The following IGF1R variants were observed in gnomAD, a reference collection of about 807,000 sequenced individuals.
IGF1R encodes the protein insulin like growth factor 1 receptor, also known as insulin-like growth factor 1 receptor.
IGF1R carries 44 observed loss-of-function variants against 144.6 expected under a neutral mutation model. That is an observed-to-expected ratio of 0.30 (90% CI 0.24 to 0.39). The LOEUF (loss-of-function observed/expected upper bound fraction) is 0.39. Among genes scored for constraint, IGF1R ranks in the 10% least tolerant of loss-of-function variants. The pLI is 1.00. For synonymous variants in IGF1R, 795 were observed against 722.8 expected, an observed-to-expected ratio of 1.10 and a Z score of -1.60; for missense variants, 1,355 against 1,833.7, an observed-to-expected ratio of 0.74 and a Z score of 4.77.
intron 4 of IGF1R, among the ~76,000 whole-genome samples, chr15:98,897,900 G>A (rs1029977058): frequency 6.6e-6 from 1 of 151,562 alleles, no homozygotes; most frequent in African/African-American, 2.4e-5. Context: ...AGGAATTTTG[G>A]GGGGGGAATC....
chr15:98,947,967 C>T (rs1476000910), intron 19 of IGF1R, among the ~76,000 whole-genome samples: 1 of 152,178 alleles, frequency 6.6e-6, no homozygotes, highest in East Asian at 1.9e-4. Context: ...GCCCTCACCC[C>T]AGACCAATCA....
chr15:98,752,222 T>C (rs1356751854), intron 2 of IGF1R, among the ~76,000 whole-genome samples: 2 of 152,208 alleles, frequency 1.3e-5, no homozygotes, highest in African/African-American at 4.8e-5. Flanking sequence ...GTGTGTGAAC[T>C]GTTGACATTT....
intron 2 of IGF1R, among the ~76,000 whole-genome samples, chr15:98,853,702 A>T (rs2011636980): frequency 1.3e-5 from 2 of 152,242 alleles, no homozygotes; most frequent in South Asian, 4.1e-4. Context: ...TAGGAATTTC[A>T]GGAACATGTT....
intron 2 of IGF1R, among the ~76,000 whole-genome samples, chr15:98,767,980 C>T (rs1412962087): frequency 1.3e-5 from 2 of 152,176 alleles, no homozygotes; most frequent in Non-Finnish European, 2.9e-5. Context: ...CCTCAGTCTG[C>T]AGACCATAGC....
chr15:98,790,278 A>G (rs747114004), intron 2 of IGF1R, among the ~76,000 whole-genome samples: 1 of 152,168 alleles, frequency 6.6e-6, no homozygotes, highest in Non-Finnish European at 1.5e-5. Flanking sequence ...TTGCCTAGAA[A>G]GATCATCACT....
intron 1 of IGF1R, among the ~76,000 whole-genome samples, chr15:98,663,694 GAGGCTGGTTCTGGGCTGGGCC>G (rs1451095255): frequency 1.3e-5 from 2 of 152,216 alleles, no homozygotes; most frequent in African/African-American, 4.8e-5. Flanking sequence ...GGCTGGGCCC[GAGGCTGGTTCTGGGCTGGGCC>G]AGGCTGATGC....
intron 2 of IGF1R, among the ~76,000 whole-genome samples, chr15:98,761,001 G>A (rs1484740327): frequency 1.3e-5 from 2 of 152,246 alleles, no homozygotes; most frequent in Non-Finnish European, 2.9e-5. Context: ...ATAAACTGGA[G>A]ATGAGTTTAG....
At position 98,648,632 on chromosome 15, in the gene IGF1R, C is replaced by G. The variant is rs1023622956; in HGVS notation, c.-950C>G. On this transcript the variant is annotated 5_prime_UTR_variant, in exon 1 of 21. Transcript: ENST00000650285. ...AGCGGAAAAAAAAAGGGAAAAAACC[C>G]GAGGAGGAGCGAGCGCACCAGGCGA... Among the ~76,000 whole-genome samples, 30 of 146,566 alleles carry G rather than the reference C, an allele frequency of 2.0e-4. No individual in the cohort carries two copies. Among genetic ancestry groups the G allele is most frequent in the Admixed American group, 1.7e-3 (25 of 14,812 alleles).
At chr15:98,826,820 G>T (rs1230129387) in intron 2 of IGF1R, among the ~76,000 whole-genome samples, 1 of 152,182 alleles carries the variant, frequency 6.6e-6, no homozygotes, top group Admixed American at 6.5e-5. Context: ...GTATTTTGTT[G>T]CTGACAAGTA....
At chr15:98,727,379 A>ATT (rs896811325) in intron 2 of IGF1R, among the ~76,000 whole-genome samples, 1 of 149,928 alleles carries the variant, frequency 6.7e-6, no homozygotes, top group Non-Finnish European at 1.5e-5. Context: ...GTAGGTTTAC[A>ATT]TTTTTTTTTT....
chr15:98,760,605 G>A (rs1468811974), intron 2 of IGF1R, among the ~76,000 whole-genome samples: 1 of 152,186 alleles, frequency 6.6e-6, no homozygotes, highest in Non-Finnish European at 1.5e-5. Flanking sequence ...CTGCGGCATT[G>A]CAGGCGTGTG....
At chr15:98,711,118 C>T (rs541588047) in intron 2 of IGF1R, among the ~76,000 whole-genome samples, 4 of 152,290 alleles carry the variant, frequency 2.6e-5, no homozygotes, top group South Asian at 4.1e-4. Flanking sequence ...CTGCAGCGCT[C>T]ATAGCCCCGC....
chr15:98,684,652 C>T (rs908980539), intron 1 of IGF1R, among the ~76,000 whole-genome samples: 1 of 152,074 alleles, frequency 6.6e-6, no homozygotes, highest in African/African-American at 2.4e-5. Flanking sequence ...CCTTTCTTTC[C>T]TTCCTTTTTA....
chr15:98,823,434 G>A (rs1261543555), intron 2 of IGF1R, among the ~76,000 whole-genome samples: 4 of 152,214 alleles, frequency 2.6e-5, no homozygotes. Flanking sequence ...GACTGCTAGA[G>A]GACAGATGCA....
chr15:98,961,321 TTTTTG>T lies in IGF1R; in HGVS notation c.*3884_*3888del, dbSNP rs1166573015. The stretch of plus-strand genomic sequence containing the variant: ...TGTCCGAGTTACTGATGTCATTTTG[TTTTTG>T]TTTTATGTAGGTAGCTTTTAAGTAG... On this transcript the variant is annotated 3_prime_UTR_variant, in exon 21 of 21. Coordinates refer to ENST00000650285, the MANE Select transcript of IGF1R (RefSeq NM_000875.5). The T allele has an allele frequency of 2.3e-4, 54 of 233,406 alleles. No individual in the cohort carries two copies. The highest frequency in any genetic ancestry group is 4.0e-4 in the African/African-American group (18 of 45,400). The allele number at this position is 233,406 out of a possible 1,614,324, so 14.5% of individuals were successfully genotyped here.
At chr15:98,915,899 G>A in intron 8 of IGF1R, 65 bp from the exon 9 acceptor site, 4 of 1,494,086 alleles carry the variant, frequency 2.7e-6, no homozygotes, top group Non-Finnish European at 3.7e-6. Context: ...GCTTGCCAGA[G>A]TATCTGATAG....
chr15:98,785,309 C>A (rs1166757291), intron 2 of IGF1R, among the ~76,000 whole-genome samples: 2 of 152,162 alleles, frequency 1.3e-5, no homozygotes, highest in East Asian at 1.9e-4. Flanking sequence ...CAGATACTTG[C>A]AGTTCTTTTG....
intron 1 of IGF1R, among the ~76,000 whole-genome samples, chr15:98,695,847 G>C (rs1169630778): frequency 6.6e-6 from 1 of 152,052 alleles, no homozygotes; most frequent in Non-Finnish European, 1.5e-5. Flanking sequence ...TTTGTGTGCT[G>C]GGTTTCTGCA....
chr15:98,828,684 C>A (rs1370070132), intron 2 of IGF1R, among the ~76,000 whole-genome samples: 1 of 151,596 alleles, frequency 6.6e-6, no homozygotes, highest in Non-Finnish European at 1.5e-5. Flanking sequence ...TGTGAAGACA[C>A]ACAGACATGA....
Sources: allele counts gnomAD v4.1 joint callset (sites outside exome capture counted in the v4.1 genomes callset), GRCh38; gene constraint gnomAD v4.1.1; transcripts MANE v1.5; gene names NCBI Gene and HGNC (gene_info 2026-07-23, HGNC 2026-07-21).